Variants in CCSER1 observed in about 807,000 individuals in gnomAD.
CCSER1 encodes the protein coiled-coil serine rich protein 1.
Under a neutral mutation model 82.0 loss-of-function variants are expected in CCSER1, and 41 were observed. The observed-to-expected ratio is 0.50, with a 90% CI of 0.39 to 0.65. The LOEUF (loss-of-function observed/expected upper bound fraction) is 0.65, where lower values mean the gene tolerates loss of function less well. Ranked by LOEUF, CCSER1 falls within the 30% of genes least tolerant of loss-of-function variation. The pLI is 0.00. For missense variants in CCSER1, 1,119 were observed against 1,064.2 expected, an observed-to-expected ratio of 1.05 and a Z score of -0.72; for synonymous variants, 414 against 383.9, an observed-to-expected ratio of 1.08 and a Z score of -0.92.
At chr4:90,997,620 G>T (rs535684182) in intron 9 of CCSER1, among the ~76,000 whole-genome samples, 5 of 152,224 alleles carry the variant, frequency 3.3e-5, no homozygotes, top group Non-Finnish European at 7.4e-5. Context: ...ATTTATGATT[G>T]TCAGCTTCCT....
At chr4:91,052,628 A>G (rs1230620011) in intron 9 of CCSER1, among the ~76,000 whole-genome samples, 2 of 152,102 alleles carry the variant, frequency 1.3e-5, no homozygotes, top group Non-Finnish European at 2.9e-5. Flanking sequence ...TATTTAAAGG[A>G]AAGGAACTTT....
chr4:90,185,456 G>T (rs1450506143), intron 1 of CCSER1, among the ~76,000 whole-genome samples: 1 of 152,004 alleles, frequency 6.6e-6, no homozygotes, highest in Non-Finnish European at 1.5e-5. Context: ...CTTTGAAAAA[G>T]AAGTCAAATG....
intron 10 of CCSER1, among the ~76,000 whole-genome samples, chr4:91,542,385 C>T (rs1761650251): frequency 6.6e-6 from 1 of 151,950 alleles, no homozygotes; most frequent in African/African-American, 2.4e-5. Context: ...GTCTTTAATC[C>T]ATCTTGAATT....
intron 1 of CCSER1, among the ~76,000 whole-genome samples, chr4:90,300,120 C>A (rs1732814733): frequency 6.6e-6 from 1 of 151,930 alleles, no homozygotes; most frequent in Admixed American, 6.6e-5. Context: ...GCAGCATTCC[C>A]CTAAACACTT....
intron 7 of CCSER1, among the ~76,000 whole-genome samples, chr4:90,793,165 C>CT (rs200232459): frequency 1.3e-5 from 2 of 151,806 alleles, no homozygotes; most frequent in African/African-American, 4.8e-5. Context: ...TAATTTCTTA[C>CT]TTTTTTTTTC....
At chr4:90,508,881 A>G (rs968335041) in intron 5 of CCSER1, among the ~76,000 whole-genome samples, 2 of 152,116 alleles carry the variant, frequency 1.3e-5, no homozygotes, top group Admixed American at 6.6e-5. Flanking sequence ...CTCAAATACT[A>G]TAACTAAATT....
At chr4:90,308,151 AT>A (rs1734641942) in intron 1 of CCSER1, 92 bp from the exon 2 acceptor site, 1 of 962,456 alleles carries the variant, frequency 1.0e-6, no homozygotes, top group African/African-American at 1.7e-5. Flanking sequence ...ACTAAATTCT[AT>A]TTTGTGTCTC....
At chr4:91,068,443 T>C (rs190289345) in intron 9 of CCSER1, among the ~76,000 whole-genome samples, 84 of 152,328 alleles carry the variant, frequency 5.5e-4, no homozygotes, top group African/African-American at 2.0e-3. Flanking sequence ...TTGCTGTTCC[T>C]AGAAATTAAT....
intron 5 of CCSER1, among the ~76,000 whole-genome samples, chr4:90,534,229 A>G (rs1177514503): frequency 6.6e-6 from 1 of 152,178 alleles, no homozygotes; most frequent in African/African-American, 2.4e-5. Context: ...TCCAGGGTTC[A>G]CGCCATTCTC....
chr4:90,632,663 G>C (rs1470079439), intron 6 of CCSER1, among the ~76,000 whole-genome samples: 1 of 152,034 alleles, frequency 6.6e-6, no homozygotes, highest in Non-Finnish European at 1.5e-5. Context: ...GAATGGTGAG[G>C]ACTTTCTCAG....
At position 91,076,506 on chromosome 4, in the gene CCSER1, A is replaced by G. The variant is rs17018033; in HGVS notation, c.2173-9444A>G. Among the ~76,000 whole-genome samples, 1,144 of 152,276 alleles carry G rather than the reference A, an allele frequency of 7.5e-3. 13 individuals carry two copies. Among genetic ancestry groups the G allele is most frequent in the African/African-American group, 0.024 (993 of 41,568 alleles). On this transcript the variant is annotated intron_variant, in intron 9 of 10. Transcript: ENST00000509176. ...GTTTAAAGCAATTTGACTAAGGATG[A>G]AAGGATGAACTTGGTATTGAGGCTC... is the stretch of plus-strand genomic sequence containing the variant.
At chr4:90,262,261 T>A (rs1724470198) in intron 1 of CCSER1, among the ~76,000 whole-genome samples, 1 of 152,200 alleles carries the variant, frequency 6.6e-6, no homozygotes, top group African/African-American at 2.4e-5. Flanking sequence ...TTTCTTTTTA[T>A]CCTCTTGAGG....
chr4:90,541,992 C>T (rs767396347), intron 5 of CCSER1, among the ~76,000 whole-genome samples: 1 of 151,780 alleles, frequency 6.6e-6, no homozygotes, highest in African/African-American at 2.4e-5. Context: ...TATCAATTTA[C>T]TTTTTAGTTT....
chr4:90,298,129 CTT>C (rs1424171864), intron 1 of CCSER1, among the ~76,000 whole-genome samples: 1 of 151,878 alleles, frequency 6.6e-6, no homozygotes, highest in East Asian at 1.9e-4. Flanking sequence ...GTCCTGGACT[CTT>C]TTTGGTTGGT....
At chr4:90,579,121 G>T (rs1781122376) in intron 5 of CCSER1, among the ~76,000 whole-genome samples, 1 of 128,538 alleles carries the variant, frequency 7.8e-6, no homozygotes. Flanking sequence ...GGTAATACTT[G>T]TTTTTAATAT....
At chr4:90,453,378 C>G (rs1166714854) in intron 4 of CCSER1, among the ~76,000 whole-genome samples, 1 of 152,142 alleles carries the variant, frequency 6.6e-6, no homozygotes, top group Non-Finnish European at 1.5e-5. Flanking sequence ...TTTGTATCCC[C>G]AATATCAGGG....
At chr4:90,578,737 G>A (rs1057494171) in intron 5 of CCSER1, among the ~76,000 whole-genome samples, 2 of 152,078 alleles carry the variant, frequency 1.3e-5, no homozygotes, top group Admixed American at 1.3e-4. Flanking sequence ...CCATATTTGG[G>A]GGGGCCATTG....
At chr4:90,760,071 T>C (rs1043025743) in intron 7 of CCSER1, among the ~76,000 whole-genome samples, 8 of 151,934 alleles carry the variant, frequency 5.3e-5, no homozygotes, top group African/African-American at 1.4e-4. Flanking sequence ...ATGAAGAAAA[T>C]ATACCAAGTT....
intron 10 of CCSER1, among the ~76,000 whole-genome samples, chr4:91,249,811 T>A (rs1740112673): frequency 6.6e-6 from 1 of 152,100 alleles, no homozygotes; most frequent in African/African-American, 2.4e-5. Flanking sequence ...TGGGCACCTA[T>A]TCATGGTTTC....
Sources: gnomAD v4.1 joint callset for allele counts (sites outside exome capture counted in the v4.1 genomes callset) on GRCh38, gnomAD v4.1.1 for gene constraint, MANE v1.5 for transcripts, NCBI Gene and HGNC (gene_info 2026-07-23, HGNC 2026-07-21) for gene names.